Variants in GLI3 observed in about 807,000 individuals in gnomAD.
GLI3 encodes the protein transcription activator GLI3.
GLI3 carries 20 observed loss-of-function variants against 100.8 expected under a neutral mutation model. The observed-to-expected ratio is 0.20, with a 90% CI of 0.14 to 0.29. GLI3 has a LOEUF of 0.29. Among genes scored for constraint, GLI3 ranks in the 10% least tolerant of loss-of-function variants. The pLI, the probability that GLI3 is intolerant of heterozygous loss-of-function variation, is 1.00. For synonymous variants in GLI3, 938 were observed against 860.5 expected (o/e 1.09, Z -1.58); for missense variants, 2,040 against 2,128.5 (o/e 0.96, Z 0.82).
intron 3 of GLI3, chr7:42,113,756 T>C: frequency 1.8e-6 from 1 of 559,598 alleles, no homozygotes; most frequent in Non-Finnish European, 3.2e-6. Context: ...GAACACTTCA[T>C]TGTTGTTTTT....
At chr7:42,163,531 C>T (rs555661111) in intron 2 of GLI3, among the ~76,000 whole-genome samples, 4 of 151,882 alleles carry the variant, frequency 2.6e-5, no homozygotes, top group South Asian at 2.1e-4. Flanking sequence ...TGGGTTCAAG[C>T]GATTCTCCTG....
upstream of GLI3, among the ~76,000 whole-genome samples, chr7:42,238,836 G>T (rs1286926984): frequency 6.6e-6 from 1 of 152,224 alleles, no homozygotes; most frequent in African/African-American, 2.4e-5. Context: ...TGGTTAAGCC[G>T]GGTCCACCCA....
At chr7:42,075,248 A>G (rs1361880814) in intron 4 of GLI3, among the ~76,000 whole-genome samples, 1 of 152,224 alleles carries the variant, frequency 6.6e-6, no homozygotes, top group East Asian at 1.9e-4. Context: ...GCTCTAGAAC[A>G]TCATTTCTGA....
intron 2 of GLI3, among the ~76,000 whole-genome samples, chr7:42,158,467 C>T (rs1787054713): frequency 6.6e-6 from 1 of 151,928 alleles, no homozygotes; most frequent in Non-Finnish European, 1.5e-5. Context: ...TTGCTTGCCA[C>T]TGTTCTATCT....
At chr7:42,228,720 T>C (rs2128704681) in intron 1 of GLI3, among the ~76,000 whole-genome samples, 1 of 152,332 alleles carries the variant, frequency 6.6e-6, no homozygotes, top group East Asian at 1.9e-4. Context: ...CCAATAGGTG[T>C]GTGCTTCGCT....
intron 3 of GLI3, among the ~76,000 whole-genome samples, chr7:42,116,450 C>T (rs1450215453): frequency 6.6e-6 from 1 of 150,486 alleles, no homozygotes; most frequent in East Asian, 1.9e-4. Context: ...TTCATTAATA[C>T]CCAGAGGATC....
At chr7:42,099,639 A>G (rs1384960519) in intron 3 of GLI3, among the ~76,000 whole-genome samples, 1 of 152,074 alleles carries the variant, frequency 6.6e-6, no homozygotes, top group Non-Finnish European at 1.5e-5. Flanking sequence ...GACCTCCCGA[A>G]CTCAAGTGAT....
At chr7:42,205,086 T>C (rs535727869) in intron 2 of GLI3, among the ~76,000 whole-genome samples, 1 of 152,310 alleles carries the variant, frequency 6.6e-6, no homozygotes, top group Admixed American at 6.5e-5. Context: ...CTGCTGGAAT[T>C]ACACCTCAGA....
chr7:42,090,017 G>C (rs993628603), intron 3 of GLI3, among the ~76,000 whole-genome samples: 6 of 152,118 alleles, frequency 3.9e-5, no homozygotes, highest in African/African-American at 1.4e-4. Flanking sequence ...AGGCTATAAC[G>C]GTACGGTAGC....
chr7:42,115,022 A>G (rs1785814545), intron 3 of GLI3, among the ~76,000 whole-genome samples: 2 of 152,250 alleles, frequency 1.3e-5, no homozygotes, highest in South Asian at 4.2e-4. Flanking sequence ...AATTTTAAAA[A>G]TAACAGAGCA....
At chr7:42,017,959 G>A (rs1788816085) in intron 10 of GLI3, among the ~76,000 whole-genome samples, 2 of 152,162 alleles carry the variant, frequency 1.3e-5, no homozygotes, top group African/African-American at 4.8e-5. Flanking sequence ...CTGTTTCACA[G>A]TATGATAAGT....
chr7:41,970,488 C>A (rs13226244), intron 13 of GLI3, among the ~76,000 whole-genome samples: 3 of 152,030 alleles, frequency 2.0e-5, no homozygotes, highest in Non-Finnish European at 4.4e-5. Flanking sequence ...TCCTATGGTT[C>A]TAGGTTGGTG....
intron 7 of GLI3, among the ~76,000 whole-genome samples, chr7:42,027,374 T>TTA (rs147356060): frequency 3.1e-4 from 47 of 151,796 alleles, no homozygotes; most frequent in Admixed American, 4.6e-4. Flanking sequence ...AAAAAAATAT[T>TTA]TATATATATA....
intron 2 of GLI3, among the ~76,000 whole-genome samples, chr7:42,177,463 G>C (rs950144868): frequency 6.6e-6 from 1 of 152,168 alleles, no homozygotes; most frequent in South Asian, 2.1e-4. Context: ...TTAAAGGTGA[G>C]GAAAATGAAG....
chr7:42,051,443 T>G (rs1784349946), intron 4 of GLI3, among the ~76,000 whole-genome samples: 2 of 152,134 alleles, frequency 1.3e-5, no homozygotes, highest in Non-Finnish European at 2.9e-5. Flanking sequence ...CACACACATA[T>G]ATACAAATAT....
chr7:42,151,788 C>T (rs1431245097), intron 2 of GLI3: 1 of 152,202 alleles, frequency 6.6e-6, no homozygotes, highest in African/African-American at 2.4e-5. Context: ...TAACAAATCC[C>T]TGCCCCCAGA....
At chr7:42,049,351 T>C (rs1027008778) in intron 4 of GLI3, among the ~76,000 whole-genome samples, 1 of 152,204 alleles carries the variant, frequency 6.6e-6, no homozygotes, top group Non-Finnish European at 1.5e-5. Flanking sequence ...ATGACTTTTA[T>C]GGATCCAGGT....
At chr7:42,079,148 G>A (rs1784945661) in intron 3 of GLI3, among the ~76,000 whole-genome samples, 1 of 152,144 alleles carries the variant, frequency 6.6e-6, no homozygotes, top group Admixed American at 6.5e-5. Flanking sequence ...TGTAAATATT[G>A]AAAGTTGATT....
intron 1 of GLI3, among the ~76,000 whole-genome samples, chr7:42,259,704 G>A (rs1385294225): frequency 1.3e-5 from 2 of 152,062 alleles, no homozygotes; most frequent in African/African-American, 4.8e-5. Context: ...TTTGATAAAC[G>A]CAGATGACCT....
Sources: allele counts gnomAD v4.1 joint callset (sites outside exome capture counted in the v4.1 genomes callset), GRCh38; gene constraint gnomAD v4.1.1; transcripts MANE v1.5; gene names NCBI Gene and HGNC (gene_info 2026-07-23, HGNC 2026-07-21).